The following NRXN1 variants were observed in gnomAD, a reference collection of about 807,000 sequenced individuals.
NRXN1 encodes neurexin-1.
Under a neutral mutation model 150.9 loss-of-function variants are expected in NRXN1, and 39 were observed. The observed-to-expected ratio is 0.26, with a 90% CI of 0.20 to 0.34. NRXN1 has a LOEUF of 0.34. NRXN1 is among the 10% of genes least tolerant of loss of function. The pLI is 1.00. For synonymous variants in NRXN1, 924 were observed against 757.0 expected (o/e 1.22, Z -3.62); for missense variants, 1,815 against 1,949.9 (o/e 0.93, Z 1.30).
At chr2:50,276,645 G>A (rs763811757) in intron 17 of NRXN1, among the ~76,000 whole-genome samples, 1 of 152,138 alleles carries the variant, frequency 6.6e-6, no homozygotes, top group Non-Finnish European at 1.5e-5. Context: ...GAGTGACCAA[G>A]GTGTTATACT....
At chr2:50,673,658 G>T (rs1689159444) in intron 5 of NRXN1, among the ~76,000 whole-genome samples, 2 of 152,038 alleles carry the variant, frequency 1.3e-5, no homozygotes, top group African/African-American at 4.8e-5. Flanking sequence ...CAAACAGACA[G>T]AAAAAGTAAT....
At chr2:49,942,887 G>A (rs1484821818) in intron 22 of NRXN1, among the ~76,000 whole-genome samples, 1 of 152,124 alleles carries the variant, frequency 6.6e-6, no homozygotes, top group African/African-American at 2.4e-5. Context: ...TGGAATTACA[G>A]GCGTGAGCCA....
intron 19 of NRXN1, among the ~76,000 whole-genome samples, chr2:50,086,448 ATTTACACCAT>A (rs1030396046): frequency 1.2e-4 from 19 of 152,218 alleles, no homozygotes; most frequent in African/African-American, 4.3e-4. Context: ...ACGAGAAAAG[ATTTACACCAT>A]CTCTATGGAG....
intron 2 of NRXN1, among the ~76,000 whole-genome samples, chr2:50,960,479 A>G (rs1032234490): frequency 6.6e-6 from 1 of 151,964 alleles, no homozygotes; most frequent in Admixed American, 6.6e-5. Flanking sequence ...GAGGCTTAAA[A>G]AAGAATTATT....
chr2:50,660,976 T>G (rs1262178166), intron 5 of NRXN1, among the ~76,000 whole-genome samples: 1 of 152,056 alleles, frequency 6.6e-6, no homozygotes, highest in Non-Finnish European at 1.5e-5. Context: ...TCATTGCAAG[T>G]TCTTTGTGTA....
chr2:49,970,752 C>A (rs964121693), intron 21 of NRXN1: 1 of 152,062 alleles, frequency 6.6e-6, no homozygotes, highest in African/African-American at 2.4e-5. Flanking sequence ...ATTATACTAT[C>A]TTGAATTTGC....
intron 5 of NRXN1, among the ~76,000 whole-genome samples, chr2:50,649,305 A>C (rs1685266778): frequency 6.7e-6 from 1 of 148,970 alleles, no homozygotes. Flanking sequence ...CAAAGAAATC[A>C]CAAGTATTTA....
chr2:50,982,786 A>C (rs574707442), intron 2 of NRXN1, among the ~76,000 whole-genome samples: 1 of 152,184 alleles, frequency 6.6e-6, no homozygotes, highest in South Asian at 2.1e-4. Context: ...ATGTGCACCT[A>C]ATACTAATTT....
intron 18 of NRXN1, among the ~76,000 whole-genome samples, chr2:50,122,647 C>G (rs769514472): frequency 3.9e-4 from 60 of 152,346 alleles, no homozygotes; most frequent in Admixed American, 2.0e-3. Flanking sequence ...GTTCCATAAC[C>G]CTTGCTAGCA....
intron 17 of NRXN1, among the ~76,000 whole-genome samples, chr2:50,315,615 T>TA (rs562760188): frequency 1.0e-3 from 157 of 152,270 alleles, no homozygotes; most frequent in Non-Finnish European, 1.8e-3. Context: ...ACAAATGGGC[T>TA]ATGCTCCAAG....
At chr2:50,073,407 C>T (rs192644566) in intron 19 of NRXN1, among the ~76,000 whole-genome samples, 2 of 152,298 alleles carry the variant, frequency 1.3e-5, no homozygotes, top group East Asian at 3.9e-4. Flanking sequence ...TCTCCTCAGT[C>T]TCTTCTGTCT....
intron 5 of NRXN1, among the ~76,000 whole-genome samples, chr2:50,804,381 T>G (rs947440628): frequency 1.3e-5 from 2 of 152,206 alleles, no homozygotes; most frequent in South Asian, 2.1e-4. Context: ...CTTGCTTAAT[T>G]TGCTTCATAA....
At chr2:50,175,883 G>T (rs1284073049) in intron 18 of NRXN1, among the ~76,000 whole-genome samples, 1 of 151,990 alleles carries the variant, frequency 6.6e-6, no homozygotes, top group East Asian at 1.9e-4. Context: ...AGGTAATTCT[G>T]CACATTTTCT....
At chr2:50,493,356 T>G (rs2091370667) in intron 15 of NRXN1, among the ~76,000 whole-genome samples, 1 of 152,050 alleles carries the variant, frequency 6.6e-6, no homozygotes, top group African/African-American at 2.4e-5. Context: ...CCTCAAACAT[T>G]ACTGCTGCAA....
intron 17 of NRXN1, among the ~76,000 whole-genome samples, chr2:50,329,669 ATATATTTT>A (rs1318710145): frequency 0.025 from 566 of 22,360 alleles, 49 homozygotes; most frequent in African/African-American, 0.032. Flanking sequence ...ATATATATAT[ATATATTTT>A]TTTTTTTCCC....
chr2:49,983,730 A>G (rs559769636), intron 21 of NRXN1, among the ~76,000 whole-genome samples: 40 of 152,336 alleles, frequency 2.6e-4, no homozygotes, highest in African/African-American at 9.1e-4. Context: ...CAGCATGTAC[A>G]TGGCCCCACT....
intron 2 of NRXN1, among the ~76,000 whole-genome samples, chr2:51,016,129 T>G (rs1306247273): frequency 2.0e-5 from 3 of 151,772 alleles, no homozygotes; most frequent in Non-Finnish European, 4.4e-5. Flanking sequence ...GGGAAAGGAT[T>G]CCCTATTTAA....
intron 5 of NRXN1, among the ~76,000 whole-genome samples, chr2:50,836,212 C>A (rs543956127): frequency 6.6e-6 from 1 of 151,996 alleles, no homozygotes; most frequent in Non-Finnish European, 1.5e-5. Flanking sequence ...GGTTTTTAAT[C>A]GACAAATAAT....
chr2:50,509,024 T>C (rs1031785453), intron 12 of NRXN1, among the ~76,000 whole-genome samples: 43 of 152,282 alleles, frequency 2.8e-4, no homozygotes, highest in African/African-American at 1.0e-3. Flanking sequence ...TGAGTGCTTA[T>C]TATGTAGCAG....
Sources: allele counts gnomAD v4.1 joint callset (sites outside exome capture counted in the v4.1 genomes callset), GRCh38; gene constraint gnomAD v4.1.1; transcripts MANE v1.5; gene names NCBI Gene and HGNC (gene_info 2026-07-23, HGNC 2026-07-21).